Variants in ERBB4 observed in about 807,000 individuals in gnomAD.
ERBB4 encodes receptor tyrosine-protein kinase erbB-4.
ERBB4 carries 42 observed loss-of-function variants against 158.0 expected under a neutral mutation model. That is an observed-to-expected ratio of 0.27 (90% confidence interval 0.21 to 0.34). The LOEUF (loss-of-function observed/expected upper bound fraction) is 0.34, where lower values mean the gene tolerates loss of function less well. Ranked by LOEUF, ERBB4 falls within the 10% of genes least tolerant of loss-of-function variation. ERBB4 has a pLI of 1.00. For synonymous variants in ERBB4, 583 were observed against 558.7 expected (o/e 1.04, Z -0.61); for missense variants, 1,333 against 1,624.1 (o/e 0.82, Z 3.08).
intron 1 of ERBB4, among the ~76,000 whole-genome samples, chr2:212,170,508 G>A (rs539663414): frequency 6.6e-6 from 1 of 152,286 alleles, no homozygotes; most frequent in East Asian, 1.9e-4. Flanking sequence ...AGACAATGGG[G>A]AAAATGTCTC....
chr2:211,971,386 A>G (rs1325576768), intron 2 of ERBB4, among the ~76,000 whole-genome samples: 1 of 152,112 alleles, frequency 6.6e-6, no homozygotes, highest in Admixed American at 6.5e-5. Flanking sequence ...ACAGACCAAT[A>G]ATGAGTTCTT....
intron 1 of ERBB4, among the ~76,000 whole-genome samples, chr2:212,196,931 C>A (rs79270709): frequency 0.018 from 2,725 of 152,212 alleles, 90 homozygotes; most frequent in African/African-American, 0.063. Context: ...CCATATGTCA[C>A]GCCTCACCCG....
chr2:212,082,060 T>C (rs1470336220), intron 2 of ERBB4, among the ~76,000 whole-genome samples: 1 of 152,144 alleles, frequency 6.6e-6, no homozygotes, highest in African/African-American at 2.4e-5. Context: ...AGCCAGGTGA[T>C]CTTTCATATT....
At chr2:211,786,229 A>T (rs1352203249) in intron 4 of ERBB4, among the ~76,000 whole-genome samples, 2 of 152,206 alleles carry the variant, frequency 1.3e-5, no homozygotes, top group Non-Finnish European at 2.9e-5. Flanking sequence ...TAGAGGTTGC[A>T]TTTAAAACCC....
chr2:212,002,048 T>G (rs567712643), intron 2 of ERBB4, among the ~76,000 whole-genome samples: 2 of 152,302 alleles, frequency 1.3e-5, no homozygotes, highest in East Asian at 1.9e-4. Context: ...ACTGAACAGA[T>G]GCTGGTAAAA....
At chr2:212,158,374 C>T (rs2081103635) in intron 1 of ERBB4, among the ~76,000 whole-genome samples, 1 of 151,954 alleles carries the variant, frequency 6.6e-6, no homozygotes, top group South Asian at 2.1e-4. Flanking sequence ...AGTCCCACCA[C>T]ACTATACTGG....
chr2:212,289,167 G>A (rs2086114366), intron 1 of ERBB4, among the ~76,000 whole-genome samples: 2 of 152,254 alleles, frequency 1.3e-5, no homozygotes, highest in South Asian at 4.2e-4. Context: ...TTGAAATATT[G>A]CTTTCCACTA....
At chr2:211,491,287 G>A (rs1014529270) in intron 20 of ERBB4, among the ~76,000 whole-genome samples, 1 of 151,966 alleles carries the variant, frequency 6.6e-6, no homozygotes, top group African/African-American at 2.4e-5. Context: ...TTTGTTTCAT[G>A]GATAAAGAAA....
At chr2:211,583,642 A>G (rs929731241) in intron 19 of ERBB4, among the ~76,000 whole-genome samples, 3 of 151,622 alleles carry the variant, frequency 2.0e-5, no homozygotes, top group Admixed American at 2.0e-4. Context: ...ACAAATAAGT[A>G]TCTATAGGAC....
chr2:211,681,600 C>T (rs1432752230), intron 12 of ERBB4, among the ~76,000 whole-genome samples: 1 of 152,162 alleles, frequency 6.6e-6, no homozygotes, highest in Non-Finnish European at 1.5e-5. Flanking sequence ...TTTTGATTCA[C>T]ATTTTCCTAA....
chr2:211,777,058 G>A (rs1379517886), intron 4 of ERBB4: 1 of 152,190 alleles, frequency 6.6e-6, no homozygotes, highest in Non-Finnish European at 1.5e-5. Context: ...GGTAAAGGCA[G>A]AGATGGAGGG....
At chr2:212,151,013 A>C (rs2080849764) in intron 1 of ERBB4, among the ~76,000 whole-genome samples, 1 of 152,094 alleles carries the variant, frequency 6.6e-6, no homozygotes, top group Non-Finnish European at 1.5e-5. Flanking sequence ...CCCACCTTGC[A>C]AAAGGTTACT....
At position 211,548,147 on chromosome 2, in the gene ERBB4, C is replaced by T. The variant is rs547695611; in HGVS notation, c.2487+13756G>A. On this transcript the variant is annotated intron_variant, in intron 20 of 27. Coordinates refer to ENST00000342788, the MANE Select transcript of ERBB4 (RefSeq NM_005235.3). ...AGAGATTCTCTCTTACCCCTTACTA[C>T]CCTTTAAATATTGTCCTCCTTTGAG... is the stretch of plus-strand genomic sequence containing the variant. 3.9e-5 allele frequency among the ~76,000 whole-genome samples: 6 copies of T among 152,078 alleles called. No homozygotes were observed. In the East Asian group the frequency reaches 1.2e-3, roughly 30 times the overall value.
chr2:211,451,806 C>T (rs2064253743), intron 20 of ERBB4, among the ~76,000 whole-genome samples: 1 of 152,112 alleles, frequency 6.6e-6, no homozygotes, highest in South Asian at 2.1e-4. Flanking sequence ...TAAAAGGATC[C>T]TGTCTCAAAA....
intron 1 of ERBB4, among the ~76,000 whole-genome samples, chr2:212,353,914 C>T (rs759305434): frequency 2.0e-5 from 3 of 152,108 alleles, no homozygotes; most frequent in Non-Finnish European, 4.4e-5. Flanking sequence ...TAATTCCTTT[C>T]TTCTTCTTAT....
At chr2:211,704,032 T>C (rs944973915) in intron 11 of ERBB4, 72 bp downstream of exon 11, 1 of 872,260 alleles carries the variant, frequency 1.1e-6, no homozygotes, top group Admixed American at 1.7e-5. Context: ...AGAGTGATAG[T>C]TTTGACTTAA....
chr2:212,059,630 A>G (rs1396564494), intron 2 of ERBB4, among the ~76,000 whole-genome samples: 1 of 152,218 alleles, frequency 6.6e-6, no homozygotes, highest in Non-Finnish European at 1.5e-5. Flanking sequence ...GCCCTCAGAA[A>G]TAATACCACA....
chr2:212,003,215 AG>A (rs2076174996), intron 2 of ERBB4, among the ~76,000 whole-genome samples: 1 of 47,278 alleles, frequency 2.1e-5, no homozygotes, highest in Non-Finnish European at 5.7e-5. Flanking sequence ...GACAGAAAGA[AG>A]GAAGGAAGGA....
chr2:212,150,068 G>A (rs536903871), intron 1 of ERBB4, among the ~76,000 whole-genome samples: 10 of 152,158 alleles, frequency 6.6e-5, no homozygotes, highest in East Asian at 5.8e-4. Context: ...TTGCAAAACC[G>A]GGTATTCATT....
Sources: allele counts gnomAD v4.1 joint callset (sites outside exome capture counted in the v4.1 genomes callset), GRCh38; gene constraint gnomAD v4.1.1; transcripts MANE v1.5; gene names NCBI Gene and HGNC (gene_info 2026-07-23, HGNC 2026-07-21).